Variants in RPAP3 observed in about 807,000 individuals in gnomAD.
The protein encoded by RPAP3 is RNA polymerase II associated protein 3, also known as RNA polymerase II-associated protein 3.
RPAP3 carries 58 observed loss-of-function variants against 88.8 expected under a neutral mutation model. That is an observed-to-expected ratio of 0.65 (90% confidence interval 0.53 to 0.81). The LOEUF (loss-of-function observed/expected upper bound fraction) is 0.81. RPAP3 is among the 40% of genes least tolerant of loss of function. The pLI is 0.00. For missense variants in RPAP3, 751 were observed against 764.3 expected (o/e 0.98, Z 0.20); for synonymous variants, 255 against 259.9 (o/e 0.98, Z 0.18).
rs867695116 is a variant in RPAP3, at chr12:47,669,175, A to C, written c.1527-73T>G. 4.7e-6 allele frequency: 5 copies of C among 1,056,504 alleles called. No homozygotes were observed. In the Middle Eastern group the frequency reaches 1.1e-3, roughly 224 times the overall value. 65.4% of individuals were successfully genotyped at this position (1,056,504 alleles called of 1,614,324 possible). On this transcript the variant is annotated intron_variant, in intron 13 of 16. Coordinates refer to ENST00000005386, the MANE Select transcript of RPAP3 (RefSeq NM_024604.3). ...TAGCTCAATCAAGGAGACATCAATA[A>C]AAATTTTTAAATTTTTGACTATTAA... is the stretch of plus-strand genomic sequence containing the variant.
At chr12:47,696,506 G>T in intron 4 of RPAP3, 103 bp from the exon 5 acceptor site, 1 of 712,502 alleles carries the variant, frequency 1.4e-6, no homozygotes, top group Non-Finnish European at 2.1e-6. Context: ...CCACTTAAAT[G>T]TAGATTTTTT....
chr12:47,684,349 G>C (rs1939282129), intron 9 of RPAP3, among the ~76,000 whole-genome samples: 1 of 152,196 alleles, frequency 6.6e-6, no homozygotes, highest in Non-Finnish European at 1.5e-5. Flanking sequence ...CACACTGGTA[G>C]GTAAGACTGA....
intron 15 of RPAP3, among the ~76,000 whole-genome samples, chr12:47,667,300 G>A (rs1592466877): frequency 6.6e-6 from 1 of 152,256 alleles, no homozygotes; most frequent in East Asian, 1.9e-4. Flanking sequence ...ATTATTCTGT[G>A]AAAACACTGG....
intron 10 of RPAP3, among the ~76,000 whole-genome samples, chr12:47,680,365 GTGA>G (rs1398741586): frequency 6.6e-6 from 1 of 152,144 alleles, no homozygotes; most frequent in African/African-American, 2.4e-5. Context: ...CAAAGTTCTG[GTGA>G]TGGACAGTGG....
At chr12:47,696,097 T>C (rs1939520703) in intron 5 of RPAP3, 179 bp downstream of exon 5, 1 of 455,782 alleles carries the variant, frequency 2.2e-6, no homozygotes, top group Non-Finnish European at 3.6e-6. Context: ...ACCAGATGTT[T>C]AAAATGGCTT....
intron 16 of RPAP3, among the ~76,000 whole-genome samples, chr12:47,665,634 T>G (rs1938858287): frequency 6.6e-6 from 1 of 150,718 alleles, no homozygotes; most frequent in South Asian, 2.1e-4. Context: ...TATATATTTT[T>G]TTATTTTTAT....
chr12:47,696,004 C>T (rs1391184367), intron 5 of RPAP3: 6 of 253,016 alleles, frequency 2.4e-5, no homozygotes, highest in South Asian at 1.7e-4. Flanking sequence ...ACTTTTTTAG[C>T]TTTGTGAATT....
chr12:47,671,131 T>C (rs546576119), intron 12 of RPAP3, among the ~76,000 whole-genome samples: 30 of 152,312 alleles, frequency 2.0e-4, no homozygotes, highest in South Asian at 1.0e-3. Context: ...TTTCAACTTA[T>C]GTTGATATTT....
At position 47,690,714 on chromosome 12, in the gene RPAP3, C is replaced by T. The variant is rs1592481995; in HGVS notation, c.546-75G>A. 4 of 1,103,196 alleles carry T rather than the reference C, an allele frequency of 3.6e-6. No individual in the cohort carries two copies. The East Asian group carries it at 1.1e-4, about 32-fold the overall frequency. The allele number at this position is 1,103,196 out of a possible 1,614,324, so 68.3% of individuals were successfully genotyped here. On this transcript the variant is annotated intron_variant, in intron 5 of 16. Coordinates refer to ENST00000005386, the MANE Select transcript of RPAP3 (RefSeq NM_024604.3). ...TAAACCAAAACTTCAAAATTTGTTT[C>T]TGAAATCCTTGAAAAGAGAATTTAC...
In RPAP3 at chr12:47,696,314, C is replaced by G. The variant is rs756644826; in HGVS notation, c.507G>C (p.Leu169Phe). ...AATATGCTGACGCTCTGTTCGTTGG[C>G]AACACGGGATTATATGGATCGGCAT... The part of the protein sequence containing the change: ...GMDADPYNPV[L>F]PTNRASAYFR... Residue 169 changes from leucine to phenylalanine, a missense_variant, in exon 5 of 17, where the codon TTG becomes TTC. Coordinates refer to ENST00000005386, the MANE Select transcript of RPAP3 (RefSeq NM_024604.3). The G allele has an allele frequency of 6.3e-7, 1 of 1,585,900 alleles. No individual in the cohort carries two copies. The highest frequency in any genetic ancestry group is 1.2e-5 in the South Asian group (1 of 85,128).
chr12:47,678,691 A>C (rs61917594), intron 12 of RPAP3, among the ~76,000 whole-genome samples: 40,635 of 151,632 alleles, frequency 0.27, 6,480 homozygotes, highest in Non-Finnish European at 0.37. Flanking sequence ...AATCAAAACC[A>C]CAATGAGATA....
intron 15 of RPAP3, 29 bp from the exon 16 acceptor site, chr12:47,667,109 G>T: frequency 1.8e-6 from 2 of 1,083,472 alleles, no homozygotes; most frequent in South Asian, 2.0e-5. Context: ...AGAAACAAAT[G>T]ATCAGTTAAA....
intron 1 of RPAP3, 78 bp from the exon 2 acceptor site, chr12:47,702,924 T>A: frequency 8.3e-7 from 1 of 1,204,920 alleles, no homozygotes; most frequent in Non-Finnish European, 1.1e-6. Context: ...GCTAATTATC[T>A]TTTACCACTT....
intron 14 of RPAP3, 24 bp from the exon 15 acceptor site, chr12:47,667,875 AT>A (rs746057903): frequency 6.0e-5 from 84 of 1,400,186 alleles, no homozygotes; most frequent in Non-Finnish European, 7.9e-5. Context: ...TAAAAAGACA[AT>A]TACTTGATGG....
At chr12:47,674,343 TC>T (rs1469176105) in intron 12 of RPAP3, among the ~76,000 whole-genome samples, 1 of 152,124 alleles carries the variant, frequency 6.6e-6, no homozygotes, top group Non-Finnish European at 1.5e-5. Flanking sequence ...CCTATTCTCT[TC>T]CAAAGGAACA....
chr12:47,677,986 T>C (rs193254049), intron 12 of RPAP3, among the ~76,000 whole-genome samples: 2 of 152,294 alleles, frequency 1.3e-5, no homozygotes, highest in East Asian at 3.9e-4. Context: ...TCAGGCTACC[T>C]GACCTCAAAC....
At position 47,670,121 on chromosome 12, in the gene RPAP3, A is replaced by G. The variant is rs747714367; in HGVS notation, c.1512T>C (p.Asp504=). The change falls in exon 13 of 17, where the codon GAT becomes GAC. Residue 504 remains aspartate (D), a synonymous_variant. Transcript: ENST00000005386. ...TTTCTACTCACTGCAGGGATGAAGTATCACTGACTTCTTCTATTTTCAATA... is the reference window on the plus strand; with the variant it reads ...TTTCTACTCACTGCAGGGATGAAGTGTCACTGACTTCTTCTATTTTCAATA... ...AKVLKIEEVS[D]TSSLQPQASL... is the part of the protein sequence containing the mutation. 4 of 1,596,866 alleles carry G rather than the reference A, an allele frequency of 2.5e-6. No individual in the cohort carries two copies. The Admixed American group carries it at 6.7e-5, about 27-fold the overall frequency.
At chr12:47,678,655 T>C (rs1197879614) in intron 12 of RPAP3, among the ~76,000 whole-genome samples, 1 of 152,152 alleles carries the variant, frequency 6.6e-6, no homozygotes, top group African/African-American at 2.4e-5. Context: ...AAAATGCTCA[T>C]CATCACTGGC....
intron 12 of RPAP3, among the ~76,000 whole-genome samples, chr12:47,674,765 G>A (rs1175344088): frequency 5.3e-5 from 8 of 152,154 alleles, no homozygotes; most frequent in South Asian, 2.1e-4. Context: ...GCAAATTTAC[G>A]ATTGATTGGT....
Sources: allele counts gnomAD v4.1 joint callset (sites outside exome capture counted in the v4.1 genomes callset), GRCh38; gene constraint gnomAD v4.1.1; transcripts MANE v1.5; gene names NCBI Gene and HGNC (gene_info 2026-07-23, HGNC 2026-07-21).